BMPR1B: variants seen among roughly 807,000 people sequenced by gnomAD.
BMPR1B encodes bone morphogenetic protein receptor type-1B.
A neutral mutation model predicts 59.1 loss-of-function variants in BMPR1B; 12 were observed. The observed-to-expected ratio is 0.20, with a 90% CI of 0.13 to 0.33. BMPR1B has a LOEUF of 0.33. Among genes scored for constraint, BMPR1B ranks in the 10% least tolerant of loss-of-function variants. The probability of loss-of-function intolerance (pLI) is 1.00; values close to 1 mark genes in which losing one functional copy is unlikely to be tolerated. For synonymous variants in BMPR1B, 237 were observed against 207.3 expected, an observed-to-expected ratio of 1.14 and a Z score of -1.23; for missense variants, 550 against 610.9, an observed-to-expected ratio of 0.90 and a Z score of 1.05.
intron 2 of BMPR1B, among the ~76,000 whole-genome samples, chr4:94,988,860 T>C (rs1173198809): frequency 6.6e-6 from 1 of 152,050 alleles, no homozygotes; most frequent in African/African-American, 2.4e-5. Flanking sequence ...AAGCCCCTTT[T>C]TTTTGGGAAA....
intron 3 of BMPR1B, among the ~76,000 whole-genome samples, chr4:95,026,100 T>TTCTTTCTTTCTC: frequency 1.0e-5 from 1 of 98,944 alleles, no homozygotes; most frequent in Admixed American, 1.1e-4. Context: ...TTTCTTTCAT[T>TTCTTTCTTTCTC]TCTTTCTTTC....
At chr4:94,906,631 A>G (rs1158236081) in intron 2 of BMPR1B, among the ~76,000 whole-genome samples, 3 of 152,054 alleles carry the variant, frequency 2.0e-5, no homozygotes, top group Non-Finnish European at 2.9e-5. Context: ...CGTTCTGCAC[A>G]TATATCCCAG....
At chr4:95,030,975 C>T (rs1429063406) in intron 3 of BMPR1B, among the ~76,000 whole-genome samples, 2 of 151,220 alleles carry the variant, frequency 1.3e-5, no homozygotes, top group Non-Finnish European at 2.9e-5. Context: ...AATGCCATCC[C>T]CATCAAGCTA....
chr4:94,766,537 A>T (rs1265702833), intron 1 of BMPR1B, among the ~76,000 whole-genome samples: 1 of 151,728 alleles, frequency 6.6e-6, no homozygotes, highest in African/African-American at 2.4e-5. Context: ...GTCACTGAGC[A>T]TGAGATTTAC....
intron 3 of BMPR1B, among the ~76,000 whole-genome samples, chr4:95,101,071 A>T (rs1200880921): frequency 1.3e-5 from 2 of 152,128 alleles, no homozygotes; most frequent in Non-Finnish European, 2.9e-5. Context: ...AGTGGGCCTC[A>T]TGTAGGATAA....
At chr4:94,902,090 G>T (rs1472962264) in intron 2 of BMPR1B, among the ~76,000 whole-genome samples, 3 of 111,880 alleles carry the variant, frequency 2.7e-5, no homozygotes, top group African/African-American at 8.6e-5. Flanking sequence ...TGTGTGTGGG[G>T]TGTATTTAAA....
At chr4:94,758,787 C>T (rs1036388666) in intron 1 of BMPR1B, among the ~76,000 whole-genome samples, 3 of 152,038 alleles carry the variant, frequency 2.0e-5, no homozygotes, top group African/African-American at 7.2e-5. Context: ...TTATTGCTAT[C>T]CTTTGCCTCT....
At chr4:94,982,017 C>A (rs1361891957) in intron 2 of BMPR1B, among the ~76,000 whole-genome samples, 1 of 152,144 alleles carries the variant, frequency 6.6e-6, no homozygotes, top group African/African-American at 2.4e-5. Flanking sequence ...ATAATGTAAG[C>A]AAAATGTAGA....
At chr4:95,035,732 C>T (rs1323719875) in intron 3 of BMPR1B, among the ~76,000 whole-genome samples, 2 of 152,038 alleles carry the variant, frequency 1.3e-5, no homozygotes, top group Admixed American at 6.6e-5. Flanking sequence ...CAGATTTGTT[C>T]TTTTTTCTTA....
chr4:94,809,318 G>T (rs1326939714), intron 1 of BMPR1B, among the ~76,000 whole-genome samples: 4 of 152,242 alleles, frequency 2.6e-5, no homozygotes, highest in African/African-American at 9.6e-5. Context: ...ATTTTAAAAT[G>T]CTTTTAATCA....
At chr4:95,013,474 C>A (rs937796625) in intron 3 of BMPR1B, among the ~76,000 whole-genome samples, 2 of 152,130 alleles carry the variant, frequency 1.3e-5, no homozygotes, top group Non-Finnish European at 2.9e-5. Flanking sequence ...CCTCCCCAGG[C>A]TAGCTATTTG....
At chr4:94,794,095 T>C (rs898771920) in intron 1 of BMPR1B, among the ~76,000 whole-genome samples, 3 of 150,622 alleles carry the variant, frequency 2.0e-5, no homozygotes, top group Non-Finnish European at 4.4e-5. Context: ...TCCTTGCCCA[T>C]GTCTATGTCC....
rs187086416 is a variant in BMPR1B, at chr4:95,098,400, A to T, written c.-17-6008A>T. ...GTGTCTGTGAGGCTGGATTTTGTAC[A>T]ACTTCAGTATGACTTGATATTAAAG... On this transcript the variant is annotated intron_variant, in intron 3 of 12. Transcript: ENST00000515059. Among the ~76,000 whole-genome samples, 6 of 152,290 alleles carry T rather than the reference A, an allele frequency of 3.9e-5. No homozygotes were observed. The East Asian group carries it at 1.2e-3, about 29-fold the overall frequency.
At chr4:95,073,847 T>G (rs966224494) in intron 3 of BMPR1B, among the ~76,000 whole-genome samples, 8 of 152,258 alleles carry the variant, frequency 5.3e-5, no homozygotes, top group African/African-American at 1.9e-4. Context: ...ATTTATGAAG[T>G]CCTTTGACAA....
chr4:95,129,952 G>T lies in BMPR1B; in HGVS notation c.676G>T (p.Glu226Ter). 1 of 1,613,962 alleles carries T rather than the reference G, an allele frequency of 6.2e-7. No homozygotes were observed. The change falls in exon 9 of 13, where the codon GAA becomes TAA. Residue 226 changes from glutamate to a stop codon, truncating the protein, a stop_gained. Coordinates refer to ENST00000515059, the MANE Select transcript of BMPR1B (RefSeq NM_001203.3). LOFTEE classifies it high-confidence loss of function. ...GEVWMGKWRGEKVAVKVFFTT... is the reference protein window; with the variant it reads ...GEVWMGKWRG ...AGTTTGGATGGGAAAGTGGCGTGGC[G>T]AAAAGGTAGCTGTGAAAGTGTTCTT...
At chr4:95,062,509 C>A (rs1417763817) in intron 3 of BMPR1B, among the ~76,000 whole-genome samples, 1 of 152,086 alleles carries the variant, frequency 6.6e-6, no homozygotes, top group African/African-American at 2.4e-5. Flanking sequence ...AAAATTTGCA[C>A]CCCAGATTGA....
chr4:94,851,326 TTA>T (rs1183734884), intron 1 of BMPR1B, among the ~76,000 whole-genome samples: 1 of 152,152 alleles, frequency 6.6e-6, no homozygotes, highest in African/African-American at 2.4e-5. Context: ...TAATTTTGAG[TTA>T]TAACTTGCTG....
intron 2 of BMPR1B, among the ~76,000 whole-genome samples, chr4:94,944,960 C>T (rs992314670): frequency 3.3e-5 from 5 of 152,050 alleles, no homozygotes; most frequent in African/African-American, 1.2e-4. Flanking sequence ...ACCATAACAG[C>T]CTGTTCAGCT....
chr4:94,776,997 T>C (rs889213506), intron 1 of BMPR1B, among the ~76,000 whole-genome samples: 3 of 152,208 alleles, frequency 2.0e-5, no homozygotes, highest in Non-Finnish European at 4.4e-5. Context: ...TATGAATTTT[T>C]CCTTATATCA....
Sources: allele counts gnomAD v4.1 joint callset (sites outside exome capture counted in the v4.1 genomes callset), GRCh38; gene constraint gnomAD v4.1.1; transcripts MANE v1.5; gene names NCBI Gene and HGNC (gene_info 2026-07-23, HGNC 2026-07-21).